Variants in ROBO1 observed in about 807,000 individuals in gnomAD.
ROBO1 encodes the protein roundabout guidance receptor 1, also known as roundabout homolog 1.
Under a neutral mutation model 195.9 loss-of-function variants are expected in ROBO1, and 149 were observed. The observed-to-expected ratio is 0.76, with a 90% CI of 0.67 to 0.87. ROBO1 has a LOEUF of 0.87. Among genes scored for constraint, ROBO1 ranks in the 40% least tolerant of loss-of-function variants. ROBO1 has a pLI of 0.00. For missense variants in ROBO1, 1,933 were observed against 2,068.3 expected (o/e 0.93, Z 1.27); for synonymous variants, 816 against 733.2 (o/e 1.11, Z -1.82).
chr3:78,974,360 T>C (rs1416602578), intron 3 of ROBO1, among the ~76,000 whole-genome samples: 1 of 152,104 alleles, frequency 6.6e-6, no homozygotes, highest in Admixed American at 6.6e-5. Context: ...AAAAGGACAC[T>C]TTTCTTGATG....
intron 2 of ROBO1, among the ~76,000 whole-genome samples, chr3:79,512,218 G>A (rs573280376): frequency 6.6e-6 from 1 of 152,194 alleles, no homozygotes; most frequent in African/African-American, 2.4e-5. Context: ...ATAACTCGAA[G>A]TGATTCTACT....
intron 1 of ROBO1, among the ~76,000 whole-genome samples, chr3:79,685,901 T>C (rs985745202): frequency 2.0e-5 from 3 of 152,108 alleles, no homozygotes; most frequent in African/African-American, 7.2e-5. Flanking sequence ...TACCAAAGCC[T>C]GGCAGAGACA....
chr3:79,603,413 G>A (rs994700671), intron 1 of ROBO1, among the ~76,000 whole-genome samples: 8 of 151,836 alleles, frequency 5.3e-5, no homozygotes, highest in Admixed American at 5.3e-4. Flanking sequence ...TGAACTTCTG[G>A]CTGTTGACTC....
chr3:79,437,988 A>G (rs1259481320), intron 2 of ROBO1, among the ~76,000 whole-genome samples: 1 of 151,954 alleles, frequency 6.6e-6, no homozygotes, highest in Non-Finnish European at 1.5e-5. Flanking sequence ...TCATAAACAT[A>G]ATTAATATTA....
At chr3:79,285,163 T>G (rs886662517) in intron 2 of ROBO1, among the ~76,000 whole-genome samples, 3 of 152,178 alleles carry the variant, frequency 2.0e-5, no homozygotes, top group African/African-American at 7.2e-5. Context: ...ATTCAAGAGT[T>G]TATATATGGC....
intron 1 of ROBO1, among the ~76,000 whole-genome samples, chr3:79,717,922 C>A (rs534381918): frequency 6.6e-6 from 1 of 151,898 alleles, no homozygotes; most frequent in Non-Finnish European, 1.5e-5. Flanking sequence ...TGTTTCAATG[C>A]TTTTTGATTT....
chr3:78,811,010 T>C (rs1189566253), intron 4 of ROBO1, among the ~76,000 whole-genome samples: 1 of 152,190 alleles, frequency 6.6e-6, no homozygotes, highest in Non-Finnish European at 1.5e-5. Flanking sequence ...TGTTCACTCC[T>C]AACCAGTTAC....
intron 4 of ROBO1, among the ~76,000 whole-genome samples, chr3:78,815,767 A>G (rs1576221419): frequency 6.6e-6 from 1 of 152,180 alleles, no homozygotes; most frequent in Non-Finnish European, 1.5e-5. Context: ...ATTCAGTCAC[A>G]TCATCAGCCT....
chr3:79,000,153 C>G (rs2077464933), intron 3 of ROBO1, among the ~76,000 whole-genome samples: 1 of 152,084 alleles, frequency 6.6e-6, no homozygotes, highest in Non-Finnish European at 1.5e-5. Flanking sequence ...CCTCAGGAAA[C>G]TTACAACCAT....
chr3:79,224,317 T>G (rs1052927420), intron 2 of ROBO1, among the ~76,000 whole-genome samples: 4 of 152,212 alleles, frequency 2.6e-5, no homozygotes, highest in African/African-American at 9.6e-5. Context: ...CTTTAACAAT[T>G]TTCATGCTTT....
At chr3:78,680,308 C>T (rs1472625493) in intron 10 of ROBO1, among the ~76,000 whole-genome samples, 1 of 152,090 alleles carries the variant, frequency 6.6e-6, no homozygotes. Context: ...AAAGCAATGG[C>T]AACAAAAGTC....
intron 1 of ROBO1, among the ~76,000 whole-genome samples, chr3:79,646,930 GA>G (rs2106714827): frequency 6.6e-6 from 1 of 152,088 alleles, no homozygotes; most frequent in African/African-American, 2.4e-5. Flanking sequence ...AGGGGATAAA[GA>G]AAGGTTAATT....
intron 3 of ROBO1, among the ~76,000 whole-genome samples, chr3:79,086,248 G>C (rs577219807): frequency 2.0e-5 from 3 of 151,954 alleles, no homozygotes; most frequent in Non-Finnish European, 2.9e-5. Flanking sequence ...CAACCAGATG[G>C]GGAGGTGACC....
At chr3:79,257,587 T>C (rs2082859617) in intron 2 of ROBO1, among the ~76,000 whole-genome samples, 1 of 151,968 alleles carries the variant, frequency 6.6e-6, no homozygotes, top group Admixed American at 6.6e-5. Context: ...CAGCTTAGAG[T>C]TGGGGTTGTT....
At chr3:79,069,445 C>A (rs553290787) in intron 3 of ROBO1, among the ~76,000 whole-genome samples, 2 of 151,872 alleles carry the variant, frequency 1.3e-5, no homozygotes, top group African/African-American at 4.8e-5. Context: ...CCTATTGATG[C>A]CCCACCTTCA....
intron 2 of ROBO1, among the ~76,000 whole-genome samples, chr3:79,434,886 A>T (rs1167942766): frequency 6.6e-6 from 1 of 152,208 alleles, no homozygotes; most frequent in African/African-American, 2.4e-5. Context: ...TGTAGCCATA[A>T]AAAATGATGA....
At chr3:79,616,500 T>C (rs1944823906) in intron 1 of ROBO1, among the ~76,000 whole-genome samples, 1 of 152,100 alleles carries the variant, frequency 6.6e-6, no homozygotes, top group African/African-American at 2.4e-5. Flanking sequence ...ATTGCAGCCA[T>C]CAAAGTGTAC....
At chr3:79,535,000 A>G (rs1338066951) in intron 2 of ROBO1, among the ~76,000 whole-genome samples, 1 of 152,086 alleles carries the variant, frequency 6.6e-6, no homozygotes, top group Non-Finnish European at 1.5e-5. Flanking sequence ...TGTGCTTTCC[A>G]TAGTTTAATG....
intron 25 of ROBO1, among the ~76,000 whole-genome samples, 159 bp from the exon 26 acceptor site, chr3:78,627,728 G>C (rs928289327): frequency 6.6e-6 from 1 of 152,168 alleles, no homozygotes; most frequent in African/African-American, 2.4e-5. Flanking sequence ...CACAAGGTTT[G>C]TGAATTACTG....
Sources: gnomAD v4.1 joint callset for allele counts (sites outside exome capture counted in the v4.1 genomes callset) on GRCh38, gnomAD v4.1.1 for gene constraint, MANE v1.5 for transcripts, NCBI Gene and HGNC (gene_info 2026-07-23, HGNC 2026-07-21) for gene names.